PCNX2: variants seen among roughly 807,000 people sequenced by gnomAD.
PCNX2 encodes the protein pecanex 2, also known as pecanex-like protein 2.
Under a neutral mutation model 223.8 loss-of-function variants are expected in PCNX2, and 168 were observed. The ratio of observed to expected loss-of-function variants is 0.75; its 90% CI spans 0.66 to 0.85. The LOEUF is 0.85. Ranked by LOEUF, PCNX2 falls within the 40% of genes least tolerant of loss-of-function variation. The pLI is 0.00. For synonymous variants in PCNX2, 1,006 were observed against 1,052.6 expected, an observed-to-expected ratio of 0.96 and a Z score of 0.86; for missense variants, 2,507 against 2,675.5, an observed-to-expected ratio of 0.94 and a Z score of 1.39.
intron 1 of PCNX2, chr1:233,294,120 T>C (rs2103032803): frequency 1.9e-6 from 1 of 521,354 alleles, no homozygotes; most frequent in Non-Finnish European, 2.5e-6. Context: ...TGCTAAGTTT[T>C]AGAAAAGTTC....
intron 25 of PCNX2, among the ~76,000 whole-genome samples, chr1:233,046,715 T>C (rs6680956): frequency 0.19 from 29,408 of 152,162 alleles, 3,808 homozygotes; most frequent in African/African-American, 0.37. Flanking sequence ...TCTCACATAA[T>C]CTCTGCCTCT....
At position 233,074,594 on chromosome 1, in the gene PCNX2, C is replaced by CAAAAAAA. The variant is rs531631109; in HGVS notation, c.4076+15460_4076+15466dup. On this transcript the variant is annotated intron_variant, in intron 23 of 33. Transcript: ENST00000258229. ...TGGGCGACAGAGCGAGACTCCGTCTCAAAAAAAAAAAAAAAAAAAAAAAAA... is the reference window on the plus strand; with the variant it reads ...TGGGCGACAGAGCGAGACTCCGTCTCAAAAAAAAAAAAAAAAAAAAAAAAAAAAAAAA... Among the ~76,000 whole-genome samples the CAAAAAAA allele has an allele frequency of 4.8e-4, 23 of 47,704 alleles. 1 individual carries two copies. Among genetic ancestry groups the CAAAAAAA allele is most frequent in the East Asian group, 3.3e-3 (2 of 612 alleles). 31.3% of individuals were successfully genotyped at this position (47,704 alleles called of 152,430 possible).
Position 233,236,964 on chromosome 1 carries a change from A to T in PCNX2, c.2239T>A (p.Ser747Thr), listed in dbSNP as rs1044111369. 3.7e-6 allele frequency: 6 copies of T among 1,613,844 alleles called. No homozygotes were observed. The African/African-American group carries it at 6.7e-5, about 18-fold the overall frequency. Residue 747 changes from serine (S) to threonine (T), a missense_variant, in exon 9 of 34, where the codon TCC (serine) becomes ACC (threonine). Coordinates refer to ENST00000258229, the MANE Select transcript of PCNX2 (RefSeq NM_014801.4). ...CTCTCAGAAGTTGTGGTACTGGAGGAGCTGACCTGCATCTCTCTGAGGATG... is the reference window on the plus strand; with the variant it reads ...CTCTCAGAAGTTGTGGTACTGGAGGTGCTGACCTGCATCTCTCTGAGGATG... ...LSQAREMQVSSSSTTTSESQD... is the reference protein window; with the variant it reads ...LSQAREMQVSTSSTTTSESQD...
intron 25 of PCNX2, among the ~76,000 whole-genome samples, chr1:233,027,971 T>C (rs956730629): frequency 2.6e-5 from 4 of 152,252 alleles, no homozygotes; most frequent in Non-Finnish European, 4.4e-5. Flanking sequence ...TATTTTGTGA[T>C]TAACTTAGTT....
intron 8 of PCNX2, among the ~76,000 whole-genome samples, chr1:233,245,486 C>A (rs1010177849): frequency 6.6e-6 from 1 of 152,210 alleles, no homozygotes; most frequent in African/African-American, 2.4e-5. Context: ...GGATGCCGCA[C>A]ATGTGTGCAA....
At chr1:233,115,909 T>C (rs555778697) in intron 21 of PCNX2, among the ~76,000 whole-genome samples, 4 of 152,334 alleles carry the variant, frequency 2.6e-5, no homozygotes, top group Non-Finnish European at 5.9e-5. Flanking sequence ...ATGCTGTCTA[T>C]GTAATGATAT....
chr1:233,292,730 T>C (rs1405034020), intron 1 of PCNX2, among the ~76,000 whole-genome samples: 1 of 151,984 alleles, frequency 6.6e-6, no homozygotes, highest in Non-Finnish European at 1.5e-5. Flanking sequence ...AAAGCCTCCA[T>C]TTGGGGAAGA....
chr1:233,261,344 A>C (rs1660028534), intron 3 of PCNX2, 23 bp from the exon 4 acceptor site: 1 of 1,610,430 alleles, frequency 6.2e-7, no homozygotes. Context: ...AAGAAACAAA[A>C]ATCAATAGAT....
At chr1:233,275,922 C>T (rs1660887121) in intron 1 of PCNX2, among the ~76,000 whole-genome samples, 1 of 151,886 alleles carries the variant, frequency 6.6e-6, no homozygotes, top group African/African-American at 2.4e-5. Flanking sequence ...CCCAGCTAAT[C>T]AGAAGGCTGA....
intron 23 of PCNX2, among the ~76,000 whole-genome samples, chr1:233,073,003 G>C (rs1170696920): frequency 1.3e-5 from 2 of 152,092 alleles, no homozygotes; most frequent in Non-Finnish European, 2.9e-5. Flanking sequence ...GAAGTCAACT[G>C]GTCCTGGGCT....
At position 233,228,287 on chromosome 1, in the gene PCNX2, A is replaced by C. The variant is rs541240270; in HGVS notation, c.2359-916T>G. On this transcript the variant is annotated intron_variant, in intron 9 of 33. Transcript: ENST00000258229. ...GCTTGTCACTTCTTGCTACTATCTT[A>C]AGCCTTCTCTAGATACCCCAGCCCC... Among the ~76,000 whole-genome samples, 58 of 152,232 alleles carry C rather than the reference A, an allele frequency of 3.8e-4. 2 individuals are homozygous for C. In the South Asian group the frequency reaches 0.011, roughly 28 times the overall value.
chr1:233,054,925 A>ATGAG (rs1672137098), intron 24 of PCNX2, among the ~76,000 whole-genome samples: 1 of 152,188 alleles, frequency 6.6e-6, no homozygotes, highest in South Asian at 2.1e-4. Context: ...GTACTATTCT[A>ATGAG]TGAGTCTTGA....
chr1:233,275,859 G>A (rs1296395147), intron 1 of PCNX2, among the ~76,000 whole-genome samples: 1 of 151,786 alleles, frequency 6.6e-6, no homozygotes, highest in Non-Finnish European at 1.5e-5. Flanking sequence ...GTGAAACCCC[G>A]TCTCTACTAA....
chr1:233,297,589 C>T (rs1020689673), upstream of PCNX2, among the ~76,000 whole-genome samples: 1 of 152,032 alleles, frequency 6.6e-6, no homozygotes, highest in Non-Finnish European at 1.5e-5. Context: ...GTTCTCCAGG[C>T]ACATGTATAT....
chr1:233,042,721 A>G (rs1558183449), intron 25 of PCNX2, among the ~76,000 whole-genome samples: 1 of 152,236 alleles, frequency 6.6e-6, no homozygotes. Context: ...CAAGGTTCTG[A>G]CAGGCCAAGT....
At chr1:233,135,881 T>G (rs1291810775) in intron 20 of PCNX2, among the ~76,000 whole-genome samples, 1 of 152,178 alleles carries the variant, frequency 6.6e-6, no homozygotes, top group Admixed American at 6.5e-5. Flanking sequence ...CCTTTTCAGT[T>G]AAGGAGCTCA....
chr1:233,162,336 G>A (rs1442503118), intron 17 of PCNX2, among the ~76,000 whole-genome samples: 1 of 152,156 alleles, frequency 6.6e-6, no homozygotes, highest in Non-Finnish European at 1.5e-5. Context: ...TACCTGAAAA[G>A]TCTGAAATCT....
At chr1:233,050,462 G>A (rs1021738124) in intron 25 of PCNX2, among the ~76,000 whole-genome samples, 8 of 152,034 alleles carry the variant, frequency 5.3e-5, no homozygotes, top group Non-Finnish European at 7.4e-5. Flanking sequence ...AAAACAGCAT[G>A]GTAGTGGTAC....
intron 1 of PCNX2, among the ~76,000 whole-genome samples, chr1:233,286,375 A>G (rs1661446629): frequency 6.6e-6 from 1 of 151,360 alleles, no homozygotes; most frequent in Non-Finnish European, 1.5e-5. Context: ...TAGAAGGCAC[A>G]GTGGACTGCT....
Sources: gnomAD v4.1 joint callset for allele counts (sites outside exome capture counted in the v4.1 genomes callset) on GRCh38, gnomAD v4.1.1 for gene constraint, MANE v1.5 for transcripts, NCBI Gene and HGNC (gene_info 2026-07-23, HGNC 2026-07-21) for gene names.